The following PDE1A variants were observed in gnomAD, a reference collection of about 807,000 sequenced individuals.
PDE1A encodes phosphodiesterase 1A, also known as dual specificity calcium/calmodulin-dependent 3',5'-cyclic nucleotide phosphodiesterase 1A.
In PDE1A, 35 loss-of-function variants were observed where a neutral mutation model predicts 61.7. The observed-to-expected ratio is 0.57, with a 90% CI of 0.43 to 0.75. The LOEUF (loss-of-function observed/expected upper bound fraction) is 0.75, where lower values mean the gene tolerates loss of function less well. PDE1A is among the 30% of genes least tolerant of loss of function. The probability of loss-of-function intolerance (pLI) is 0.00; values close to 1 mark genes in which losing one functional copy is unlikely to be tolerated. For missense variants in PDE1A, 597 were observed against 630.6 expected (o/e 0.95, Z 0.57); for synonymous variants, 232 against 213.2 (o/e 1.09, Z -0.77).
intron 2 of PDE1A, among the ~76,000 whole-genome samples, chr2:182,521,430 C>G (rs1381468050): frequency 1.3e-5 from 2 of 151,962 alleles, no homozygotes; most frequent in Admixed American, 1.3e-4. Context: ...CTGTAAAATT[C>G]ATATTCATAT....
chr2:182,295,239 T>C lies in PDE1A; in HGVS notation c.54-30825A>G, dbSNP rs559804041. On this transcript the variant is annotated intron_variant, in intron 1 of 13. Coordinates refer to ENST00000351439, the Ensembl canonical transcript of PDE1A. ...ACAGGCGCCCACCACCGCGCCCGGCTAATTTTTTGTATTTTTAGTAGAGAC... is the reference window on the plus strand; with the variant it reads ...ACAGGCGCCCACCACCGCGCCCGGCCAATTTTTTGTATTTTTAGTAGAGAC... 5.7e-4 allele frequency among the ~76,000 whole-genome samples: 87 copies of C among 151,702 alleles called. 3 individuals carry two copies. In the South Asian group the frequency reaches 0.016, roughly 27 times the overall value.
intron 2 of PDE1A, among the ~76,000 whole-genome samples, chr2:182,448,232 T>C (rs1685268912): frequency 6.6e-6 from 1 of 152,124 alleles, no homozygotes; most frequent in African/African-American, 2.4e-5. Flanking sequence ...AATTCTCCCT[T>C]CCTTTTCTCA....
At chr2:182,612,576 G>A in the PDE1A span, among the ~76,000 whole-genome samples, 47 of 152,230 alleles carry the variant, frequency 3.1e-4, 3 homozygotes, top group South Asian at 9.8e-3. Context: ...TATCATAAAG[G>A]CCACATGTAT....
chr2:182,684,037 C>T, the PDE1A span, among the ~76,000 whole-genome samples: 3 of 151,008 alleles, frequency 2.0e-5, no homozygotes, highest in East Asian at 5.8e-4. Flanking sequence ...GCAGGGGAAT[C>T]GCTTGAACCT....
intron 1 of PDE1A, among the ~76,000 whole-genome samples, chr2:182,375,128 G>A (rs978397758): frequency 6.6e-6 from 1 of 152,150 alleles, no homozygotes; most frequent in Non-Finnish European, 1.5e-5. Flanking sequence ...AGATTTGGGT[G>A]GGGACATAGA....
intron 1 of PDE1A, among the ~76,000 whole-genome samples, chr2:182,266,770 G>T (rs759351288): frequency 6.6e-6 from 1 of 152,056 alleles, no homozygotes; most frequent in Admixed American, 6.6e-5. Context: ...GGAATGCAGC[G>T]GAACTCTCTA....
the PDE1A span, among the ~76,000 whole-genome samples, chr2:182,677,634 C>T: frequency 6.6e-6 from 1 of 152,166 alleles, no homozygotes; most frequent in Non-Finnish European, 1.5e-5. Context: ...AACGATGCTA[C>T]AGGGCTACAG....
chr2:182,438,198 T>A (rs1023783074), intron 2 of PDE1A, among the ~76,000 whole-genome samples: 14 of 151,876 alleles, frequency 9.2e-5, no homozygotes, highest in African/African-American at 2.9e-4. Flanking sequence ...ATTTAAGACC[T>A]CTCATAATAT....
chr2:182,174,804 T>C (rs1203708292), intron 13 of PDE1A, among the ~76,000 whole-genome samples: 1 of 152,150 alleles, frequency 6.6e-6, no homozygotes, highest in East Asian at 1.9e-4. Context: ...TGTAGGTTTG[T>C]TACAGAGGTA....
chr2:182,670,993 T>C, the PDE1A span, among the ~76,000 whole-genome samples: 1 of 151,942 alleles, frequency 6.6e-6, no homozygotes, highest in Non-Finnish European at 1.5e-5. Flanking sequence ...AATTTTTGTA[T>C]TTTTAGTAGA....
At chr2:182,700,047 T>G in the PDE1A span, among the ~76,000 whole-genome samples, 1 of 152,212 alleles carries the variant, frequency 6.6e-6, no homozygotes, top group Admixed American at 6.5e-5. Flanking sequence ...CCAGCTTTTC[T>G]TTCTCTATGA....
intron 2 of PDE1A, among the ~76,000 whole-genome samples, chr2:182,249,953 GATAA>G (rs1444436143): frequency 6.6e-6 from 1 of 152,114 alleles, no homozygotes; most frequent in Non-Finnish European, 1.5e-5. Context: ...CTATTTTACT[GATAA>G]ATAGACTGAG....
chr2:182,654,777 A>G, the PDE1A span, among the ~76,000 whole-genome samples: 1 of 152,080 alleles, frequency 6.6e-6, no homozygotes, highest in African/African-American at 2.4e-5. Context: ...TCTGGAATCT[A>G]TTCATTGTCC....
intron 1 of PDE1A, among the ~76,000 whole-genome samples, chr2:182,349,702 G>C: frequency 6.6e-6 from 1 of 152,142 alleles, no homozygotes. Flanking sequence ...GGAGGTTGCA[G>C]TGAGCCGAGA....
intron 1 of PDE1A, among the ~76,000 whole-genome samples, chr2:182,347,606 G>T (rs760130520): frequency 6.6e-6 from 1 of 151,900 alleles, no homozygotes; most frequent in Non-Finnish European, 1.5e-5. Context: ...TTTTGTCCAC[G>T]TATTGAAACT....
At chr2:182,495,413 G>T (rs1255471352) in intron 2 of PDE1A, among the ~76,000 whole-genome samples, 1 of 152,078 alleles carries the variant, frequency 6.6e-6, no homozygotes, top group African/African-American at 2.4e-5. Context: ...GCTTTGGTTG[G>T]CACCTTTTGA....
chr2:182,467,143 G>A (rs1686727402), intron 2 of PDE1A, among the ~76,000 whole-genome samples: 1 of 150,692 alleles, frequency 6.6e-6, no homozygotes, highest in South Asian at 2.1e-4. Context: ...AAGAAGGGAG[G>A]GAGAGAGGAA....
At chr2:182,207,514 ATAAAG>A (rs1559184962) in intron 7 of PDE1A, among the ~76,000 whole-genome samples, 1 of 152,250 alleles carries the variant, frequency 6.6e-6, no homozygotes, top group African/African-American at 2.4e-5. Context: ...GCTCATTTGC[ATAAAG>A]AAAGAAATTA....
chr2:182,674,850 CAACA>C, the PDE1A span, among the ~76,000 whole-genome samples: 1 of 152,076 alleles, frequency 6.6e-6, no homozygotes, highest in Non-Finnish European at 1.5e-5. Context: ...TCCCAGCAGA[CAACA>C]TGTATTCAAG....
Sources: allele counts gnomAD v4.1 joint callset (sites outside exome capture counted in the v4.1 genomes callset), GRCh38; gene constraint gnomAD v4.1.1; transcripts MANE v1.5; gene names NCBI Gene and HGNC (gene_info 2026-07-23, HGNC 2026-07-21).